Variants in TPD52 observed in about 807,000 individuals in gnomAD.
TPD52 encodes the protein tumor protein D52.
A neutral mutation model predicts 31.3 loss-of-function variants in TPD52; 17 were observed. The observed-to-expected ratio is 0.54, with a 90% confidence interval of 0.37 to 0.82. TPD52 has a LOEUF of 0.82. Among genes scored for constraint, TPD52 ranks in the 40% least tolerant of loss-of-function variants. The pLI is 0.00. For synonymous variants in TPD52, 83 were observed against 89.6 expected (o/e 0.93, Z 0.42); for missense variants, 212 against 240.1 (o/e 0.88, Z 0.77).
intron 1 of TPD52, among the ~76,000 whole-genome samples, chr8:80,079,962 A>G (rs548673360): frequency 6.6e-6 from 1 of 152,302 alleles, no homozygotes; most frequent in Non-Finnish European, 1.5e-5. Context: ...AAAATCGGGA[A>G]AGTTGTCGTA....
downstream of TPD52, among the ~76,000 whole-genome samples, chr8:80,031,724 G>A (rs1248027757): frequency 6.6e-6 from 1 of 152,112 alleles, no homozygotes; most frequent in Admixed American, 6.5e-5. Flanking sequence ...TGGGGCAGTG[G>A]TGCATGCCTG....
At chr8:80,101,601 C>T (rs1452977938) in intron 1 of TPD52, among the ~76,000 whole-genome samples, 3 of 152,042 alleles carry the variant, frequency 2.0e-5, no homozygotes, top group Admixed American at 6.6e-5. Flanking sequence ...AAGCATGGCA[C>T]CAGCATCTGC....
At position 80,052,714 on chromosome 8, in the gene TPD52, T is replaced by A. The variant is rs1432131858; in HGVS notation, c.284+568A>T. 2.4e-6 allele frequency: 3 copies of A among 1,276,560 alleles called. No homozygotes were observed. In the East Asian group the frequency reaches 1.7e-4, roughly 71 times the overall value. 79.1% of individuals were successfully genotyped at this position (1,276,560 alleles called of 1,614,324 possible). A position where few individuals can be genotyped will look rare whatever the true frequency, so the allele number is the denominator to read the frequency against. The stretch of plus-strand genomic sequence containing the variant: ...ACAAAACTGCATTATGATAATGCTA[T>A]ATCATAGCATGTGTGGTCAAAAAGA... On this transcript the variant is annotated intron_variant, in intron 3 of 7. Coordinates refer to ENST00000518937, the MANE Select transcript of TPD52 (RefSeq NM_001025253.3).
chr8:80,100,306 T>C (rs1353277982), intron 1 of TPD52, among the ~76,000 whole-genome samples: 1 of 152,210 alleles, frequency 6.6e-6, no homozygotes, highest in African/African-American at 2.4e-5. Context: ...CTAATTATTT[T>C]CTCTGGCAAT....
rs1470234952 is a variant in TPD52, at chr8:80,045,803, C to T, written c.414-1595G>A. On this transcript the variant is annotated intron_variant, in intron 5 of 7. Coordinates refer to ENST00000518937, the MANE Select transcript of TPD52 (RefSeq NM_001025253.3). ...ATTACAAAAAAACTTTGTATTTGTGCAACACATTCTTCTTTTTAGGTGAGC... is the reference window on the plus strand; with the variant it reads ...ATTACAAAAAAACTTTGTATTTGTGTAACACATTCTTCTTTTTAGGTGAGC... Among the ~76,000 whole-genome samples, 66 of 152,308 alleles carry T rather than the reference C, an allele frequency of 4.3e-4. 1 individual carries two copies. The highest frequency in any genetic ancestry group is 2.9e-5 in the Non-Finnish European group (2 of 68,018).
chr8:80,039,285 TCCTTC>T (rs2130349215), intron 7 of TPD52, among the ~76,000 whole-genome samples: 2 of 152,314 alleles, frequency 1.3e-5, no homozygotes, highest in Admixed American at 1.3e-4. Flanking sequence ...AAAACTGAAC[TCCTTC>T]CCCCGACAAC....
Position 80,064,583 on chromosome 8 carries a change from T to A in TPD52, c.30A>T (p.Arg10Ser). ...CTCCTTCCTCAGGGACTGGGTCTGT[T>A]CTCAGCAGACCTGGTTGGGGATTTA... is the stretch of plus-strand genomic sequence containing the variant. MDRGEQGLL[R>S]TDPVPEEGED... Residue 10 changes from arginine to serine, a missense_variant, in exon 2 of 8, where the codon AGA becomes AGT. Physicochemically the swap from Arg to Ser is moderately radical, Grantham distance 110. Transcript: ENST00000518937. 6.2e-7 allele frequency: 1 copy of A among 1,613,964 alleles called. No individual in the cohort carries two copies. Among genetic ancestry groups the A allele is most frequent in the African/African-American group, 1.3e-5 (1 of 75,044 alleles).
At chr8:80,125,319 A>C (rs546617019) in intron 1 of TPD52, among the ~76,000 whole-genome samples, 1 of 152,294 alleles carries the variant, frequency 6.6e-6, no homozygotes, top group South Asian at 2.1e-4. Flanking sequence ...TCTCTACAAA[A>C]ACTAAAGTTA....
intron 2 of TPD52, among the ~76,000 whole-genome samples, chr8:80,053,970 G>C (rs1811616646): frequency 6.6e-6 from 1 of 152,012 alleles, no homozygotes; most frequent in South Asian, 2.1e-4. Flanking sequence ...CCTGTGTCTG[G>C]CAAAGTCATG....
chr8:80,111,435 C>T (rs1477627581), intron 1 of TPD52, among the ~76,000 whole-genome samples: 1 of 152,108 alleles, frequency 6.6e-6, no homozygotes, highest in Admixed American at 6.5e-5. Context: ...GAGCTGATGT[C>T]TGCTGCAGAA....
chr8:80,098,417 G>A (rs7002697), intron 1 of TPD52, among the ~76,000 whole-genome samples: 14,682 of 152,212 alleles, frequency 0.096, 817 homozygotes, highest in South Asian at 0.2. Flanking sequence ...CATGGGAGGA[G>A]GTTAAAACAT....
chr8:80,051,312 C>T (rs138910578), intron 4 of TPD52: 2 of 554,460 alleles, frequency 3.6e-6, no homozygotes, highest in Non-Finnish European at 6.3e-6. Context: ...TTTTCAACAA[C>T]CTTAAATGAT....
chr8:80,052,627 A>G (rs1234275121), intron 3 of TPD52: 2 of 1,288,670 alleles, frequency 1.6e-6, no homozygotes, highest in Non-Finnish European at 2.0e-6. Context: ...ATGGCTCTCA[A>G]TACAGAAGAC....
intron 1 of TPD52, among the ~76,000 whole-genome samples, chr8:80,104,533 C>T (rs546743837): frequency 1.5e-4 from 22 of 149,928 alleles, no homozygotes; most frequent in African/African-American, 4.4e-4. Flanking sequence ...TGAGATCAGC[C>T]GGGGGAACAG....
At chr8:80,045,211 G>T (rs1451111407) in intron 5 of TPD52, among the ~76,000 whole-genome samples, 1 of 152,176 alleles carries the variant, frequency 6.6e-6, no homozygotes, top group Non-Finnish European at 1.5e-5. Context: ...GGAGGAATTT[G>T]ATAATTCTTT....
At chr8:80,146,733 C>T (rs1451947680) in intron 1 of TPD52, among the ~76,000 whole-genome samples, 1 of 152,132 alleles carries the variant, frequency 6.6e-6, no homozygotes, top group Admixed American at 6.5e-5. Context: ...AATTAAGGCA[C>T]ATTTATATGT....
At chr8:80,111,344 A>AT (rs1172438512) in intron 1 of TPD52, among the ~76,000 whole-genome samples, 6 of 152,222 alleles carry the variant, frequency 3.9e-5, no homozygotes, top group Non-Finnish European at 8.8e-5. Context: ...GGACAGTCTT[A>AT]TGGGACTGAG....
chr8:80,033,304 G>A (rs1301379143), downstream of TPD52: 1 of 150,016 alleles, frequency 6.7e-6, no homozygotes, highest in Non-Finnish European at 1.5e-5. Context: ...GACCGGCGGG[G>A]CGGGGAGGGG....
chr8:80,082,893 A>C (rs1815435922), intron 1 of TPD52, among the ~76,000 whole-genome samples: 1 of 152,230 alleles, frequency 6.6e-6, no homozygotes, highest in Non-Finnish European at 1.5e-5. Context: ...TAATTGCCTA[A>C]AATTTTTATT....
Sources: allele counts gnomAD v4.1 joint callset (sites outside exome capture counted in the v4.1 genomes callset), GRCh38; gene constraint gnomAD v4.1.1; transcripts MANE v1.5; gene names NCBI Gene and HGNC (gene_info 2026-07-23, HGNC 2026-07-21).